RNF11: variants seen among roughly 807,000 people sequenced by gnomAD.
RNF11 encodes ring finger protein 11.
Under a neutral mutation model 15.8 loss-of-function variants are expected in RNF11, and 4 were observed. The observed-to-expected ratio is 0.25, with a 90% confidence interval of 0.12 to 0.58. RNF11 has a LOEUF of 0.58. Ranked by LOEUF, RNF11 falls within the 20% of genes least tolerant of loss-of-function variation. The probability of loss-of-function intolerance (pLI) is 0.91; values close to 1 mark genes in which losing one functional copy is unlikely to be tolerated. For missense variants in RNF11, 139 were observed against 194.4 expected, an observed-to-expected ratio of 0.71 and a Z score of 1.70; for synonymous variants, 68 against 72.3, an observed-to-expected ratio of 0.94 and a Z score of 0.30.
In RNF11 at chr1:51,272,655, A is replaced by T. The variant is rs552600570; in HGVS notation, c.*1333A>T. Reference sequence around the variant, plus strand: ...AGTAGTAATGTTTTATCCATTTAGCATGTGTTTATTTTTTCATATGTACTC... The same window carrying T: ...AGTAGTAATGTTTTATCCATTTAGCTTGTGTTTATTTTTTCATATGTACTC... On this transcript the variant is annotated 3_prime_UTR_variant, in exon 3 of 3. Coordinates refer to ENST00000242719, the MANE Select transcript of RNF11 (RefSeq NM_014372.5). 5.9e-5 allele frequency: 9 copies of T among 152,324 alleles called. No homozygotes were observed. The highest frequency in any genetic ancestry group is 2.2e-4 in the African/African-American group (9 of 41,578). The allele number at this position is 152,324 out of a possible 1,614,324, so 9.4% of individuals were successfully genotyped here.
rs768148445 is a variant in RNF11, at chr1:51,269,939, A to G, written c.124-17A>G. On this transcript the variant is annotated splice_polypyrimidine_tract_variant and intron_variant, in intron 1 of 2. Transcript: ENST00000242719. The stretch of plus-strand genomic sequence containing the variant: ...TTTTAAAAAATAATCTTTTTCCTCT[A>G]TATTTTAATATTTTAGGAACAAGTT... 1.7e-5 allele frequency: 27 copies of G among 1,599,998 alleles called. No homozygotes were observed. In the Admixed American group the frequency reaches 3.9e-4, roughly 23 times the overall value.
intron 1 of RNF11, among the ~76,000 whole-genome samples, chr1:51,252,247 G>T (rs1646883174): frequency 2.0e-5 from 3 of 152,084 alleles, no homozygotes; most frequent in Admixed American, 2.0e-4. Context: ...AATCAAGTTT[G>T]TGTTATCCAT....
chr1:51,271,017 T>C, intron 2 of RNF11, 134 bp from the exon 3 acceptor site: 1 of 725,476 alleles, frequency 1.4e-6, no homozygotes, highest in Non-Finnish European at 2.3e-6. Flanking sequence ...TTTGCATGCT[T>C]TGGCAATAAG....
intron 1 of RNF11, among the ~76,000 whole-genome samples, chr1:51,264,608 A>G (rs940576116): frequency 3.3e-5 from 5 of 152,122 alleles, no homozygotes; most frequent in African/African-American, 9.7e-5. Context: ...GGATATAAAG[A>G]GAAGGATCAG....
chr1:51,271,390 C>G lies in RNF11; in HGVS notation c.*68C>G. 9.1e-6 allele frequency: 12 copies of G among 1,317,002 alleles called. No individual in the cohort carries two copies. Among genetic ancestry groups the G allele is most frequent in the South Asian group, 1.5e-5 (1 of 66,468 alleles). 81.6% of individuals were successfully genotyped at this position (1,317,002 alleles called of 1,614,324 possible). A position where few individuals can be genotyped will look rare whatever the true frequency, so the allele number is the denominator to read the frequency against. On this transcript the variant is annotated 3_prime_UTR_variant, in exon 3 of 3. Coordinates refer to ENST00000242719, the MANE Select transcript of RNF11 (RefSeq NM_014372.5). ...TGGTTTTGATCTTTTGTCACTGAGCCCAAAGAGCCAGGGATTAGGAATTAA... is the reference window on the plus strand; with the variant it reads ...TGGTTTTGATCTTTTGTCACTGAGCGCAAAGAGCCAGGGATTAGGAATTAA...
At chr1:51,256,335 T>C (rs1646904388) in intron 1 of RNF11, among the ~76,000 whole-genome samples, 1 of 152,214 alleles carries the variant, frequency 6.6e-6, no homozygotes, top group Admixed American at 6.5e-5. Context: ...CTTTTCAGAT[T>C]GGCTTCTTTC....
intron 1 of RNF11, among the ~76,000 whole-genome samples, chr1:51,243,088 T>C (rs1646837386): frequency 1.3e-5 from 2 of 152,246 alleles, no homozygotes; most frequent in African/African-American, 4.8e-5. Flanking sequence ...TTTTTTTGTG[T>C]TTGTAACATT....
At chr1:51,245,291 C>T (rs1009453808) in intron 1 of RNF11, among the ~76,000 whole-genome samples, 4 of 152,022 alleles carry the variant, frequency 2.6e-5, no homozygotes. Context: ...TAGCTGGGAC[C>T]ACAGGTGCAT....
chr1:51,245,917 CTT>C (rs1345947062), intron 1 of RNF11, among the ~76,000 whole-genome samples: 1 of 152,170 alleles, frequency 6.6e-6, no homozygotes, highest in Non-Finnish European at 1.5e-5. Flanking sequence ...CAATCAACCT[CTT>C]ATCACTTCCC....
intron 1 of RNF11, among the ~76,000 whole-genome samples, chr1:51,264,315 T>TAC (rs1445465411): frequency 6.7e-4 from 65 of 96,630 alleles, no homozygotes; most frequent in South Asian, 2.4e-3. Context: ...TATATATATA[T>TAC]ATACACACAC....
intron 1 of RNF11, among the ~76,000 whole-genome samples, chr1:51,246,380 G>A (rs1646851664): frequency 6.6e-6 from 1 of 151,752 alleles, no homozygotes; most frequent in Admixed American, 6.6e-5. Flanking sequence ...TTCGAAACCA[G>A]CCTGGGCAAA....
chr1:51,265,279 G>C (rs1271520614), intron 1 of RNF11: 1 of 149,726 alleles, frequency 6.7e-6, no homozygotes, highest in Non-Finnish European at 1.5e-5. Context: ...AGCCAAGATC[G>C]CGCCACTGCA....
At chr1:51,243,719 G>C (rs753222024) in intron 1 of RNF11, among the ~76,000 whole-genome samples, 6 of 152,216 alleles carry the variant, frequency 3.9e-5, no homozygotes, top group Admixed American at 6.5e-5. Flanking sequence ...GATTACAGGC[G>C]TGAGCCACCA....
At chr1:51,246,766 A>C (rs1646853372) in intron 1 of RNF11, among the ~76,000 whole-genome samples, 2 of 152,162 alleles carry the variant, frequency 1.3e-5, no homozygotes, top group South Asian at 4.1e-4. Flanking sequence ...TAAGATGAAA[A>C]GTTATGGAGA....
chr1:51,260,423 A>T (rs1199586578), intron 1 of RNF11, among the ~76,000 whole-genome samples: 2 of 152,168 alleles, frequency 1.3e-5, no homozygotes, highest in African/African-American at 4.8e-5. Context: ...TTTCATTCTC[A>T]GACTGATTCT....
rs1462780072 is a variant in RNF11 at position 51,236,722 on chromosome 1, C to T, written c.-35C>T. 1.2e-6 allele frequency: 2 copies of T among 1,607,356 alleles called. No homozygotes were observed. The highest frequency in any genetic ancestry group is 2.7e-5 in the African/African-American group (2 of 74,592). On this transcript the variant is annotated 5_prime_UTR_variant, in exon 1 of 3. Coordinates refer to ENST00000242719, the MANE Select transcript of RNF11 (RefSeq NM_014372.5). ...GTGCGAACGACCCCACCGCTGCTTT[C>T]TCCTCCCCCAGATCACGCACCCCAG... is the stretch of plus-strand genomic sequence containing the variant.
At chr1:51,258,237 A>G (rs993943799) in intron 1 of RNF11, among the ~76,000 whole-genome samples, 3 of 152,294 alleles carry the variant, frequency 2.0e-5, no homozygotes, top group Non-Finnish European at 4.4e-5. Flanking sequence ...AATTTTCCAT[A>G]TAGTATTTTC....
At chr1:51,258,528 T>TG in intron 1 of RNF11, among the ~76,000 whole-genome samples, 1 of 152,202 alleles carries the variant, frequency 6.6e-6, no homozygotes, top group East Asian at 1.9e-4. Context: ...CAGTGATACT[T>TG]GAAGTAATGA....
chr1:51,247,456 T>G lies in RNF11; in HGVS notation c.123+10577T>G, dbSNP rs1005478684. Reference sequence around the variant, plus strand: ...AGTATGTGGTTTTTTGTTTTTTTGTTTTTTTTTTTTGTAAAGACAGTGTCT... The same window carrying G: ...AGTATGTGGTTTTTTGTTTTTTTGTGTTTTTTTTTTGTAAAGACAGTGTCT... On this transcript the variant is annotated intron_variant, in intron 1 of 2. Coordinates refer to ENST00000242719, the MANE Select transcript of RNF11 (RefSeq NM_014372.5). 1.1e-4 allele frequency among the ~76,000 whole-genome samples: 13 copies of G among 119,118 alleles called. No individual in the cohort carries two copies. The South Asian group carries it at 2.3e-3, about 21-fold the overall frequency. The allele number at this position is 119,118 out of a possible 152,430, so 78.1% of individuals were successfully genotyped here.
Sources: gnomAD v4.1 joint callset for allele counts (sites outside exome capture counted in the v4.1 genomes callset) on GRCh38, gnomAD v4.1.1 for gene constraint, MANE v1.5 for transcripts, NCBI Gene and HGNC (gene_info 2026-07-23, HGNC 2026-07-21) for gene names.